MYRF: variants seen among roughly 807,000 people sequenced by gnomAD.
MYRF encodes myelin regulatory factor.
In MYRF, 16 loss-of-function variants were observed where a neutral mutation model predicts 126.3. That is an observed-to-expected ratio of 0.13 (90% confidence interval 0.09 to 0.19). The LOEUF (loss-of-function observed/expected upper bound fraction) is 0.19, where lower values mean the gene tolerates loss of function less well. MYRF is among the 10% of genes least tolerant of loss of function. MYRF has a pLI of 1.00. For missense variants in MYRF, 1,104 were observed against 1,547.0 expected, an observed-to-expected ratio of 0.71 and a Z score of 4.80; for synonymous variants, 608 against 635.3, an observed-to-expected ratio of 0.96 and a Z score of 0.65.
In MYRF at chr11:61,778,819, G is replaced by A. The variant is rs1346601278; in HGVS notation, c.2013+330G>A. On this transcript the variant is annotated intron_variant, in intron 14 of 26. Coordinates refer to ENST00000278836, the MANE Select transcript of MYRF (RefSeq NM_001127392.3). The surrounding 1 kb of genome is among the most constrained non-coding windows in gnomAD (Gnocchi z 4.6). Reference sequence around the variant, plus strand: ...TATGGTTACCTCCAGGCTGAAATACGTGGTTTATTGTGAGGACGACGTTTG... The same window carrying A: ...TATGGTTACCTCCAGGCTGAAATACATGGTTTATTGTGAGGACGACGTTTG... The A allele has an allele frequency of 2.5e-5, 14 of 559,112 alleles. No individual in the cohort carries two copies. The highest frequency in any genetic ancestry group is 8.8e-5 in the Admixed American group (4 of 45,388). 34.6% of individuals were successfully genotyped at this position (559,112 alleles called of 1,614,324 possible).
At chr11:61,763,738 G>A (rs768811944) in intron 1 of MYRF, among the ~76,000 whole-genome samples, 5 of 152,074 alleles carry the variant, frequency 3.3e-5, no homozygotes, top group African/African-American at 4.8e-5. Flanking sequence ...GGTGGCGGGC[G>A]CCTGTAATCT....
intron 3 of MYRF, 105 bp from the exon 4 acceptor site, chr11:61,769,155 C>A: frequency 1.5e-6 from 1 of 671,796 alleles, no homozygotes; most frequent in Middle Eastern, 2.5e-4. Flanking sequence ...CTCAGTGTCG[C>A]CAGCTTCTGG....
chr11:61,774,082 C>A lies in MYRF; in HGVS notation c.1231C>A (p.Leu411Met). ...HFQVTVYIGM[L>M]GEPKYVKTPE... ...CCAGGTGACAGTGTACATCGGCATG[C>A]TGGGCGAGCCCAAGTACGTCAAGAC... Residue 411 changes from leucine (L) to methionine (M), a missense_variant, in exon 8 of 27, where the codon CTG becomes ATG. Around this residue, in one of 10 missense-constraint regions of MYRF, gnomAD observed 36 missense variants for 47.5 expected, o/e 0.76. Coordinates refer to ENST00000278836, the MANE Select transcript of MYRF (RefSeq NM_001127392.3). 1 of 1,613,922 alleles carries A rather than the reference C, an allele frequency of 6.2e-7. No individual in the cohort carries two copies. The highest frequency in any genetic ancestry group is 8.5e-7 in the Non-Finnish European group (1 of 1,179,986).
chr11:61,786,273 T>A lies in MYRF; in HGVS notation c.*130T>A, dbSNP rs2066693324. ...GCTGTTCACTGGCCCTACCCGAGACTGGTGAAACTGGAAGTCTTCACACTG... is the reference window on the plus strand; with the variant it reads ...GCTGTTCACTGGCCCTACCCGAGACAGGTGAAACTGGAAGTCTTCACACTG... On this transcript the variant is annotated 3_prime_UTR_variant, in exon 27 of 27. Coordinates refer to ENST00000278836, the MANE Select transcript of MYRF (RefSeq NM_001127392.3). The surrounding 1 kb of genome is among the most constrained non-coding windows in gnomAD (Gnocchi z 4.5). The A allele has an allele frequency of 2.4e-6, 2 of 842,998 alleles. No individual in the cohort carries two copies. Among genetic ancestry groups the A allele is most frequent in the Non-Finnish European group, 3.8e-6 (2 of 526,362 alleles). 52.2% of individuals were successfully genotyped at this position (842,998 alleles called of 1,614,324 possible). A position where few individuals can be genotyped will look rare whatever the true frequency, so the allele number is the denominator to read the frequency against.
intron 16 of MYRF, 107 bp downstream of exon 16, chr11:61,779,677 C>A (rs1565302417): frequency 2.4e-6 from 3 of 1,246,944 alleles, no homozygotes; most frequent in Non-Finnish European, 3.3e-6. Context: ...GCTTCCCTCT[C>A]CTTGTGACTC....
chr11:61,783,997 GC>G lies in MYRF; in HGVS notation c.3194+74del. 6.6e-7 allele frequency: 1 copy of G among 1,510,286 alleles called. No individual in the cohort carries two copies. 93.6% of individuals were successfully genotyped at this position (1,510,286 alleles called of 1,614,324 possible). A position where few individuals can be genotyped will look rare whatever the true frequency, so the allele number is the denominator to read the frequency against. ...GAATCTCCCGCAGAGCCTCAGAACA[GC>G]CGAGTCTGAGGACAGCCGGAGAGTC... On this transcript the variant is annotated intron_variant, in intron 24 of 26. Transcript: ENST00000278836. The surrounding 1 kb of genome is among the most constrained non-coding windows in gnomAD (Gnocchi z 4.6).
intron 7 of MYRF, 146 bp downstream of exon 7, chr11:61,772,098 G>C: frequency 8.2e-7 from 1 of 1,218,756 alleles, no homozygotes; most frequent in Non-Finnish European, 1.1e-6. Context: ...GCCAGGACTG[G>C]CAGTCAGGGC....
At chr11:61,758,496 G>A (rs749698453) in intron 1 of MYRF, among the ~76,000 whole-genome samples, 2 of 152,190 alleles carry the variant, frequency 1.3e-5, no homozygotes, top group South Asian at 4.1e-4. Context: ...AGGGGGCTTG[G>A]AGGGAAGAAG....
At chr11:61,755,377 C>T (rs1480152219) in intron 1 of MYRF, 1 of 1,608,438 alleles carries the variant, frequency 6.2e-7, no homozygotes, top group Non-Finnish European at 8.5e-7. Context: ...CAAGGCAGCC[C>T]AGATCGGCGG....
chr11:61,779,439 G>C lies in MYRF; in HGVS notation c.2174+16G>C. ...GCGCCTTCAGGTAGGGGTGCGGGGT[G>C]GGGGAAGGTGAGACCCTTCTTCCCA... On this transcript the variant is annotated intron_variant, in intron 15 of 26. Coordinates refer to ENST00000278836, the MANE Select transcript of MYRF (RefSeq NM_001127392.3). 6.5e-7 allele frequency: 1 copy of C among 1,550,374 alleles called. No individual in the cohort carries two copies. Among genetic ancestry groups the C allele is most frequent in the Non-Finnish European group, 8.7e-7 (1 of 1,146,336 alleles).
In MYRF at chr11:61,777,597, C is replaced by G. The variant is rs2066421888; in HGVS notation, c.1791+133C>G. The G allele has an allele frequency of 7.4e-7, 1 of 1,348,714 alleles. No individual in the cohort carries two copies. Among genetic ancestry groups the G allele is most frequent in the African/African-American group, 1.4e-5 (1 of 69,010 alleles). 83.5% of individuals were successfully genotyped at this position (1,348,714 alleles called of 1,614,324 possible). A position where few individuals can be genotyped will look rare whatever the true frequency, so the allele number is the denominator to read the frequency against. ...GGAAGGAAGGGAGGGAGGCTGGCCT[C>G]GAATCCCGATCTAACCACTCCAGTG... On this transcript the variant is annotated intron_variant, in intron 12 of 26. Transcript: ENST00000278836. The surrounding 1 kb of genome is among the most constrained non-coding windows in gnomAD (Gnocchi z 8.8).
Position 61,778,639 on chromosome 11 carries a change from C to T in MYRF, c.2013+150C>T. ...GCTGCCTCCAGAGCGCCCTCTGCACCCCACAGGGAAGGGGTGAGTGTTCAA... is the reference window on the plus strand; with the variant it reads ...GCTGCCTCCAGAGCGCCCTCTGCACTCCACAGGGAAGGGGTGAGTGTTCAA... On this transcript the variant is annotated intron_variant, in intron 14 of 26. Coordinates refer to ENST00000278836, the MANE Select transcript of MYRF (RefSeq NM_001127392.3). This position sits in a 1 kb window ranked among gnomAD's most constrained non-coding sequence, Gnocchi z 4.6. 2.9e-6 allele frequency: 2 copies of T among 680,062 alleles called. No homozygotes were observed. The highest frequency in any genetic ancestry group is 5.4e-6 in the Non-Finnish European group (2 of 372,336). 42.1% of individuals were successfully genotyped at this position (680,062 alleles called of 1,614,324 possible). A position where few individuals can be genotyped will look rare whatever the true frequency, so the allele number is the denominator to read the frequency against.
rs1285133384 is a variant in MYRF, at chr11:61,787,746, A to C, written c.*1603A>C. The C allele has an allele frequency of 6.5e-6, 1 of 152,758 alleles. No homozygotes were observed. Among genetic ancestry groups the C allele is most frequent in the African/African-American group, 2.4e-5 (1 of 41,444 alleles). 9.5% of individuals were successfully genotyped at this position (152,758 alleles called of 1,614,324 possible). A position where few individuals can be genotyped will look rare whatever the true frequency, so the allele number is the denominator to read the frequency against. On this transcript the variant is annotated 3_prime_UTR_variant, in exon 27 of 27. Coordinates refer to ENST00000278836, the MANE Select transcript of MYRF (RefSeq NM_001127392.3). Reference sequence around the variant, plus strand: ...ACCATGCAGGGGCTGAGCCTTCCTTATGATGACTTTGTTCTCCCTCCCACT... The same window carrying C: ...ACCATGCAGGGGCTGAGCCTTCCTTCTGATGACTTTGTTCTCCCTCCCACT...
In MYRF at chr11:61,778,533, G is replaced by T; in HGVS notation, c.2013+44G>T. On this transcript the variant is annotated intron_variant, in intron 14 of 26. Transcript: ENST00000278836. The surrounding 1 kb of genome is among the most constrained non-coding windows in gnomAD (Gnocchi z 4.6). Reference sequence around the variant, plus strand: ...GGGAGGGAGCCCAGAGGCAAGTGGGGAGCCAGCTGGGGAACACTCATCACC... The same window carrying T: ...GGGAGGGAGCCCAGAGGCAAGTGGGTAGCCAGCTGGGGAACACTCATCACC... 7.1e-7 allele frequency: 1 copy of T among 1,408,420 alleles called. No homozygotes were observed. The highest frequency in any genetic ancestry group is 1.2e-5 in the South Asian group (1 of 86,822). The allele number at this position is 1,408,420 out of a possible 1,614,324, so 87.2% of individuals were successfully genotyped here. A position where few individuals can be genotyped will look rare whatever the true frequency, so the allele number is the denominator to read the frequency against.
At position 61,786,336 on chromosome 11, in the gene MYRF, AG is replaced by A; in HGVS notation, c.*196del. On this transcript the variant is annotated 3_prime_UTR_variant, in exon 27 of 27. Transcript: ENST00000278836. This position sits in a 1 kb window ranked among gnomAD's most constrained non-coding sequence, Gnocchi z 4.5. ...CAGCTGGTCGCCCCTCACGGCACAG[AG>A]GGAACCTGAGAGCCAGAGACTTCTT... 1.6e-6 allele frequency: 1 copy of A among 616,632 alleles called. No individual in the cohort carries two copies. The highest frequency in any genetic ancestry group is 2.8e-5 in the East Asian group (1 of 36,188). The allele number at this position is 616,632 out of a possible 1,614,324, so 38.2% of individuals were successfully genotyped here. A position where few individuals can be genotyped will look rare whatever the true frequency, so the allele number is the denominator to read the frequency against.
Position 61,778,552 on chromosome 11 carries a change from C to A in MYRF, c.2013+63C>A. 1 of 1,149,558 alleles carries A rather than the reference C, an allele frequency of 8.7e-7. No individual in the cohort carries two copies. The highest frequency in any genetic ancestry group is 1.3e-6 in the Non-Finnish European group (1 of 758,256). 71.2% of individuals were successfully genotyped at this position (1,149,558 alleles called of 1,614,324 possible). ...AGTGGGGAGCCAGCTGGGGAACACT[C>A]ATCACCTCCATAGATACTGGGGGCA... On this transcript the variant is annotated intron_variant, in intron 14 of 26. Transcript: ENST00000278836. The surrounding 1 kb of genome is among the most constrained non-coding windows in gnomAD (Gnocchi z 4.6).
At chr11:61,766,263 G>A (rs1309993335) in intron 3 of MYRF, 42 bp downstream of exon 3, 34 of 1,554,630 alleles carry the variant, frequency 2.2e-5, no homozygotes, top group African/African-American at 4.1e-5. Flanking sequence ...CGGCATAGGG[G>A]CAGGCAGGGA....
intron 4 of MYRF, among the ~76,000 whole-genome samples, 161 bp from the exon 5 acceptor site, chr11:61,770,085 G>A (rs967370736): frequency 2.6e-5 from 4 of 152,000 alleles, no homozygotes; most frequent in African/African-American, 9.7e-5. Context: ...GCCTCTAGTA[G>A]GTGGCTGACC....
At chr11:61,785,741 A>G in intron 25 of MYRF, 59 bp from the exon 26 acceptor site, 1 of 1,437,562 alleles carries the variant, frequency 7.0e-7, no homozygotes, top group Non-Finnish European at 9.8e-7. Context: ...CCGTGGTGAG[A>G]GATGCTGGTT....
Sources: allele counts gnomAD v4.1 joint callset (sites outside exome capture counted in the v4.1 genomes callset), GRCh38; gene constraint gnomAD v4.1.1; regional missense constraint gnomAD v4.1.1; non-coding constraint Gnocchi (gnomAD v3.1); transcripts MANE v1.5; gene names NCBI Gene and HGNC (gene_info 2026-07-23, HGNC 2026-07-21).